The following RABGAP1 variants were observed in gnomAD, a reference collection of about 807,000 sequenced individuals.
RABGAP1 encodes RAB GTPase activating protein 1.
In RABGAP1, 23 loss-of-function variants were observed where a neutral mutation model predicts 137.6. That is an observed-to-expected ratio of 0.17 (90% CI 0.12 to 0.24). RABGAP1 has a LOEUF of 0.24. Among genes scored for constraint, RABGAP1 ranks in the 10% least tolerant of loss-of-function variants. The probability of loss-of-function intolerance (pLI) is 1.00; values close to 1 mark genes in which losing one functional copy is unlikely to be tolerated. For synonymous variants in RABGAP1, 451 were observed against 450.7 expected (o/e 1.00, Z -0.01); for missense variants, 906 against 1,275.8 (o/e 0.71, Z 4.42).
At chr9:123,004,464 T>A (rs941739603) in intron 10 of RABGAP1, among the ~76,000 whole-genome samples, 1 of 152,034 alleles carries the variant, frequency 6.6e-6, no homozygotes, top group African/African-American at 2.4e-5. Flanking sequence ...TTTTAATTTT[T>A]TGGAGAGACG....
chr9:123,026,703 G>C (rs570123758), intron 13 of RABGAP1, among the ~76,000 whole-genome samples: 2 of 152,250 alleles, frequency 1.3e-5, no homozygotes, highest in African/African-American at 4.8e-5. Flanking sequence ...CAGCTGTTTG[G>C]ATCTTGTGAA....
intron 23 of RABGAP1, among the ~76,000 whole-genome samples, 174 bp from the exon 24 acceptor site, chr9:123,099,304 C>T (rs1265332984): frequency 6.6e-6 from 1 of 152,116 alleles, no homozygotes; most frequent in Non-Finnish European, 1.5e-5. Flanking sequence ...AATGCAGAGG[C>T]GGCATAGCTA....
At chr9:123,043,384 G>A (rs2033046191) in intron 13 of RABGAP1, among the ~76,000 whole-genome samples, 1 of 152,206 alleles carries the variant, frequency 6.6e-6, no homozygotes, top group East Asian at 1.9e-4. Flanking sequence ...ATATAGTTGG[G>A]ATTTTCACCA....
intron 24 of RABGAP1, 129 bp downstream of exon 24, chr9:123,099,678 G>A (rs1016369762): frequency 5.5e-6 from 4 of 729,398 alleles, no homozygotes; most frequent in African/African-American, 5.3e-5. Flanking sequence ...CCTGTCACAG[G>A]TCCTGGCTCA....
At position 123,073,746 on chromosome 9, in the gene RABGAP1, T is replaced by C. The variant is rs1021182729; in HGVS notation, c.2109+69T>C. ...ACTAAGGAGCACCAAATTGAGGAAA[T>C]GGTGCCAGGGAGCATTGGTAATTGC... On this transcript the variant is annotated intron_variant, in intron 16 of 25. Coordinates refer to ENST00000373647, the MANE Select transcript of RABGAP1 (RefSeq NM_012197.4). 8.2e-6 allele frequency: 13 copies of C among 1,594,484 alleles called. No individual in the cohort carries two copies. In the East Asian group the frequency reaches 2.9e-4, roughly 36 times the overall value.
At chr9:122,951,785 C>T (rs1395467316) in intron 1 of RABGAP1, among the ~76,000 whole-genome samples, 2 of 152,128 alleles carry the variant, frequency 1.3e-5, no homozygotes, top group African/African-American at 4.8e-5. Context: ...ATTGCCCAGG[C>T]TGGTCTTGAA....
In RABGAP1 at chr9:122,997,306, G is replaced by A; in HGVS notation, c.1149G>A (p.Gly383=). 1.2e-6 allele frequency: 2 copies of A among 1,611,976 alleles called. No homozygotes were observed. The highest frequency in any genetic ancestry group is 1.7e-6 in the Non-Finnish European group (2 of 1,179,208). ...SSDGKSYVIT[G]SWNPKSPHFQ... Reference sequence around the variant, plus strand: ...ATGGAAAGTCGTATGTTATTACGGGGAGCTGGAATCCAAAATCCCCACATT... The same window carrying A: ...ATGGAAAGTCGTATGTTATTACGGGAAGCTGGAATCCAAAATCCCCACATT... Residue 383 remains glycine, a synonymous_variant, in exon 9 of 26, where the codon GGG becomes GGA. Coordinates refer to ENST00000373647, the MANE Select transcript of RABGAP1 (RefSeq NM_012197.4).
At chr9:123,068,692 A>T (rs2034260261) in intron 14 of RABGAP1, among the ~76,000 whole-genome samples, 1 of 6,606 alleles carries the variant, frequency 1.5e-4, no homozygotes, top group Non-Finnish European at 0.013. Flanking sequence ...CTTATCAGAT[A>T]AACTGAAGAA....
intron 6 of RABGAP1, among the ~76,000 whole-genome samples, chr9:122,991,605 C>CTTTTTTTTTTTTTTTTTTTTTTTTTCTT (rs1244355425): frequency 7.2e-6 from 1 of 139,358 alleles, no homozygotes; most frequent in African/African-American, 2.7e-5. Context: ...CTCTCTCTCT[C>CTTTTTTTTTTTTTTTTTTTTTTTTTCTT]TTTTTTTTTT....
intron 13 of RABGAP1, among the ~76,000 whole-genome samples, chr9:123,057,268 T>C (rs1240727272): frequency 8.6e-5 from 11 of 127,436 alleles, no homozygotes; most frequent in East Asian, 2.5e-4. Flanking sequence ...GGGCGGCTGC[T>C]GGGCGGAGGG....
intron 2 of RABGAP1, among the ~76,000 whole-genome samples, chr9:122,960,086 TG>T (rs1217560777): frequency 1.3e-5 from 2 of 152,180 alleles, no homozygotes; most frequent in African/African-American, 2.4e-5. Flanking sequence ...GTGGAGGTTG[TG>T]GTGAAAGGTA....
intron 8 of RABGAP1, chr9:122,997,003 T>G (rs200708876): frequency 5.7e-4 from 334 of 585,670 alleles, no homozygotes; most frequent in South Asian, 2.2e-3. Context: ...GAAAGAAGAA[T>G]TCAACATTGG....
rs577474947 is a variant in RABGAP1, at chr9:123,025,543, C to CTTTTTTTTTTTTTTT, written c.1794+5087_1794+5101dup. On this transcript the variant is annotated intron_variant, in intron 13 of 25. Coordinates refer to ENST00000373647, the MANE Select transcript of RABGAP1 (RefSeq NM_012197.4). Reference sequence around the variant, plus strand: ...TTTTATTTGTTCAGATCTTTCTTTTCTTTTTTTTTTTTTTTTTGCCTTCAA... The same window carrying CTTTTTTTTTTTTTTT: ...TTTTATTTGTTCAGATCTTTCTTTTCTTTTTTTTTTTTTTTTTTTTTTTTTTTTTTTTGCCTTCAA... Among the ~76,000 whole-genome samples, 51 of 74,994 alleles carry CTTTTTTTTTTTTTTT rather than the reference C, an allele frequency of 6.8e-4. 1 individual carries two copies. Among genetic ancestry groups the CTTTTTTTTTTTTTTT allele is most frequent in the Non-Finnish European group, 8.5e-4 (31 of 36,622 alleles). The allele number at this position is 74,994 out of a possible 152,430, so 49.2% of individuals were successfully genotyped here.
At chr9:123,004,773 T>C (rs916154889) in intron 10 of RABGAP1, among the ~76,000 whole-genome samples, 3 of 152,076 alleles carry the variant, frequency 2.0e-5, no homozygotes, top group Non-Finnish European at 4.4e-5. Flanking sequence ...TCTAAAAAAG[T>C]CAGCCAGGCA....
At chr9:123,026,045 C>T (rs62580280) in intron 13 of RABGAP1, among the ~76,000 whole-genome samples, 337 of 146,616 alleles carry the variant, frequency 2.3e-3, no homozygotes, top group Non-Finnish European at 3.6e-3. Flanking sequence ...TGTTTTTGGC[C>T]GGGCGCAGTG....
chr9:123,079,238 T>C, intron 19 of RABGAP1, among the ~76,000 whole-genome samples: 1 of 145,716 alleles, frequency 6.9e-6, no homozygotes, highest in African/African-American at 2.5e-5. Flanking sequence ...TGTTTTGTTT[T>C]GTTTTTTTTT....
intron 11 of RABGAP1, among the ~76,000 whole-genome samples, chr9:123,012,756 T>C (rs2030917213): frequency 6.6e-6 from 1 of 152,176 alleles, no homozygotes; most frequent in Admixed American, 6.5e-5. Flanking sequence ...GCTCAGTAAA[T>C]ATTGGCAGTA....
intron 14 of RABGAP1, among the ~76,000 whole-genome samples, chr9:123,068,217 G>A (rs528646682): frequency 3.3e-5 from 5 of 152,120 alleles, no homozygotes; most frequent in African/African-American, 1.2e-4. Flanking sequence ...GGGCATGGTG[G>A]TGGGCATATG....
chr9:123,055,868 A>G (rs2033672941), intron 13 of RABGAP1, among the ~76,000 whole-genome samples: 1 of 152,122 alleles, frequency 6.6e-6, no homozygotes, highest in African/African-American at 2.4e-5. Flanking sequence ...TTATACTTAT[A>G]TAACCCAGTT....
Sources: gnomAD v4.1 joint callset for allele counts (sites outside exome capture counted in the v4.1 genomes callset) on GRCh38, gnomAD v4.1.1 for gene constraint, MANE v1.5 for transcripts, NCBI Gene and HGNC (gene_info 2026-07-23, HGNC 2026-07-21) for gene names.